The following RAMP1 variants were observed in gnomAD, a reference collection of about 807,000 sequenced individuals.
RAMP1 encodes receptor activity modifying protein 1.
Under a neutral mutation model 8.2 loss-of-function variants are expected in RAMP1, and 7 were observed. The ratio of observed to expected loss-of-function variants is 0.85; its 90% CI spans 0.49 to 1.60. RAMP1 has a LOEUF of 1.60. Ranked by LOEUF, RAMP1 falls within the 40% of genes most tolerant of loss-of-function variation. The pLI, the probability that RAMP1 is intolerant of heterozygous loss-of-function variation, is 0.00. For synonymous variants in RAMP1, 92 were observed against 84.7 expected (o/e 1.09, Z -0.47); for missense variants, 192 against 202.4 (o/e 0.95, Z 0.31).
intron 2 of RAMP1, among the ~76,000 whole-genome samples, chr2:237,894,888 C>T (rs2062523411): frequency 1.3e-5 from 2 of 152,184 alleles, no homozygotes. Context: ...CCCTGGGGAA[C>T]AGGAGTGGCC....
Position 237,912,023 on chromosome 2 carries a change from C to G in RAMP1, c.*240C>G, listed in dbSNP as rs117497265. The G allele has an allele frequency of 1.6e-6, 1 of 623,828 alleles. No homozygotes were observed. The highest frequency in any genetic ancestry group is 2.8e-5 in the East Asian group (1 of 35,466). 38.6% of individuals were successfully genotyped at this position (623,828 alleles called of 1,614,324 possible). The stretch of plus-strand genomic sequence containing the variant: ...GCAGGGACGTGACCTTGACTTACCT[C>G]TGGAAAGGGTCCCAGCCTAGACTGC... On this transcript the variant is annotated 3_prime_UTR_variant, in exon 3 of 3. Coordinates refer to ENST00000254661, the MANE Select transcript of RAMP1 (RefSeq NM_005855.4).
At chr2:237,905,909 G>A (rs62194461) in intron 2 of RAMP1, among the ~76,000 whole-genome samples, 8,008 of 151,692 alleles carry the variant, frequency 0.053, 285 homozygotes, top group Middle Eastern at 0.14. Context: ...TACTTAGGAG[G>A]CTGAGGCAGG....
At chr2:237,863,727 G>A (rs2062153447) in intron 1 of RAMP1, among the ~76,000 whole-genome samples, 1 of 151,702 alleles carries the variant, frequency 6.6e-6, no homozygotes, top group South Asian at 2.1e-4. Flanking sequence ...AGGAGTGCAG[G>A]GCTATGGGCC....
chr2:237,910,396 C>G (rs2062698567), intron 2 of RAMP1, among the ~76,000 whole-genome samples: 1 of 149,104 alleles, frequency 6.7e-6, no homozygotes, highest in South Asian at 2.1e-4. Context: ...CACACACACA[C>G]AGAGTAACAC....
At chr2:237,874,642 C>T in intron 1 of RAMP1, 1 of 984,502 alleles carries the variant, frequency 1.0e-6, no homozygotes, top group African/African-American at 1.7e-5. Context: ...CTTTCCACTC[C>T]AGGCAGGATA....
intron 2 of RAMP1, among the ~76,000 whole-genome samples, chr2:237,895,434 C>A (rs764438716): frequency 6.6e-6 from 1 of 152,182 alleles, no homozygotes; most frequent in Non-Finnish European, 1.5e-5. Flanking sequence ...AAAACCCCCA[C>A]AGTGAACACC....
chr2:237,902,112 C>T (rs2062604429), intron 2 of RAMP1, among the ~76,000 whole-genome samples: 1 of 151,956 alleles, frequency 6.6e-6, no homozygotes, highest in African/African-American at 2.4e-5. Context: ...TCAGGTGCAG[C>T]CCAAGGCCGA....
intron 2 of RAMP1, among the ~76,000 whole-genome samples, chr2:237,905,026 G>A (rs942591106): frequency 3.9e-5 from 6 of 152,186 alleles, no homozygotes; most frequent in Middle Eastern, 3.4e-3. Flanking sequence ...CAGTGGTGTC[G>A]GGCCTTGACT....
chr2:237,880,622 A>C (rs2062358842), intron 2 of RAMP1, among the ~76,000 whole-genome samples: 1 of 152,180 alleles, frequency 6.6e-6, no homozygotes, highest in South Asian at 2.1e-4. Context: ...GGGTAAAACA[A>C]TATTGTTTCA....
Position 237,862,064 on chromosome 2 carries a change from C to T in RAMP1, c.52+2337C>T, listed in dbSNP as rs2062138519. On this transcript the variant is annotated intron_variant, in intron 1 of 2. Transcript: ENST00000254661. This position sits in a 1 kb window ranked among gnomAD's most constrained non-coding sequence, Gnocchi z 4.0. ...GGGAATGCTGGCTGGTGCTGTCACA[C>T]ATGAACTCAGTCACCTGTCCTAGGA... 6.6e-6 allele frequency among the ~76,000 whole-genome samples: 1 copy of T among 152,096 alleles called. No individual in the cohort carries two copies. Among genetic ancestry groups the T allele is most frequent in the African/African-American group, 2.4e-5 (1 of 41,416 alleles).
intron 1 of RAMP1, among the ~76,000 whole-genome samples, chr2:237,871,209 A>C (rs2062241342): frequency 6.6e-6 from 1 of 152,226 alleles, no homozygotes; most frequent in Non-Finnish European, 1.5e-5. Flanking sequence ...GGGTCTTGCC[A>C]GAGAAAGGAG....
At position 237,878,159 on chromosome 2, in the gene RAMP1, C is replaced by A. The variant is rs1308565732; in HGVS notation, c.191+797C>A. The A allele has an allele frequency of 3.0e-6, 3 of 985,456 alleles. No homozygotes were observed. In the East Asian group the frequency reaches 3.4e-4, roughly 112 times the overall value. The allele number at this position is 985,456 out of a possible 1,614,324, so 61.0% of individuals were successfully genotyped here. On this transcript the variant is annotated intron_variant, in intron 2 of 2. Coordinates refer to ENST00000254661, the MANE Select transcript of RAMP1 (RefSeq NM_005855.4). This position sits in a 1 kb window ranked among gnomAD's most constrained non-coding sequence, Gnocchi z 5.7. ...GCGTGGAGCTGAAGGCCACCGCCTC[C>A]CTGCCATGCAAACTTCGCACAGAGA...
chr2:237,893,970 C>CTTT (rs71039788), intron 2 of RAMP1, among the ~76,000 whole-genome samples: 44,125 of 103,730 alleles, frequency 0.43, 10,416 homozygotes, highest in East Asian at 0.53. Flanking sequence ...AAAATACTTT[C>CTTT]TTTTTTTTTT....
chr2:237,884,493 G>T (rs938343448), intron 2 of RAMP1, among the ~76,000 whole-genome samples: 6 of 152,124 alleles, frequency 3.9e-5, no homozygotes, highest in Admixed American at 6.5e-5. Flanking sequence ...TAAAACATGG[G>T]TTTTTAAAAG....
rs775268462 is a variant in RAMP1, at chr2:237,865,232, G to C, written c.52+5505G>C. 2.0e-5 allele frequency among the ~76,000 whole-genome samples: 3 copies of C among 150,288 alleles called. No individual in the cohort carries two copies. Among genetic ancestry groups the C allele is most frequent in the Non-Finnish European group, 3.0e-5 (2 of 67,514 alleles). ...AAGAACAGCACCTGGCAGAGCTCCT[G>C]GGGGAGTAGGGAGGGCAGGGCAGGG... On this transcript the variant is annotated intron_variant, in intron 1 of 2. Transcript: ENST00000254661. This position sits in a 1 kb window ranked among gnomAD's most constrained non-coding sequence, Gnocchi z 4.2.
chr2:237,872,170 C>T (rs189054523), intron 1 of RAMP1, among the ~76,000 whole-genome samples: 5 of 152,304 alleles, frequency 3.3e-5, no homozygotes, highest in East Asian at 3.9e-4. Flanking sequence ...CTTAGATGGA[C>T]GATGCCAGCC....
At chr2:237,859,803 C>T in intron 1 of RAMP1, 76 bp downstream of exon 1, 2 of 273,498 alleles carry the variant, frequency 7.3e-6, no homozygotes, top group Non-Finnish European at 1.4e-5. Flanking sequence ...AGGAGGGGAG[C>T]GGGTGGGAGC....
intron 2 of RAMP1, among the ~76,000 whole-genome samples, chr2:237,883,836 GAAAA>G (rs1254132057): frequency 2.1e-5 from 2 of 94,002 alleles, no homozygotes; most frequent in Admixed American, 2.1e-4. Context: ...AAAAAGAAAA[GAAAA>G]GAAAAAAAAA....
chr2:237,891,818 A>G (rs1323579549), intron 2 of RAMP1, among the ~76,000 whole-genome samples: 2 of 152,134 alleles, frequency 1.3e-5, no homozygotes, highest in South Asian at 2.1e-4. Context: ...TTTTAATTTT[A>G]TAATCATATT....
Sources: allele counts gnomAD v4.1 joint callset (sites outside exome capture counted in the v4.1 genomes callset), GRCh38; gene constraint gnomAD v4.1.1; non-coding constraint Gnocchi (gnomAD v3.1); transcripts MANE v1.5; gene names NCBI Gene and HGNC (gene_info 2026-07-23, HGNC 2026-07-21).